Variants in PTPRD observed in about 807,000 individuals in gnomAD.
PTPRD encodes the protein receptor-type tyrosine-protein phosphatase delta.
A neutral mutation model predicts 214.5 loss-of-function variants in PTPRD; 34 were observed. The ratio of observed to expected loss-of-function variants is 0.16; its 90% CI spans 0.12 to 0.21. PTPRD has a LOEUF of 0.21. Among genes scored for constraint, PTPRD ranks in the 10% least tolerant of loss-of-function variants. The pLI is 1.00. For missense variants in PTPRD, 2,545 were observed against 2,398.7 expected (o/e 1.06, Z -1.27); for synonymous variants, 1,128 against 845.7 (o/e 1.33, Z -5.79).
intron 3 of PTPRD, among the ~76,000 whole-genome samples, chr9:10,242,609 A>T (rs1484156278): frequency 1.4e-4 from 20 of 143,314 alleles, no homozygotes; most frequent in Admixed American, 2.8e-4. Context: ...CATTGAATAC[A>T]TTTTTTTTTT....
intron 5 of PTPRD, among the ~76,000 whole-genome samples, chr9:9,775,526 G>T (rs1303157323): frequency 6.6e-6 from 1 of 152,160 alleles, no homozygotes; most frequent in Non-Finnish European, 1.5e-5. Context: ...TTCTTCTGGA[G>T]AGAAGAGTAG....
At chr9:9,331,443 T>C (rs888590844) in intron 9 of PTPRD, among the ~76,000 whole-genome samples, 1 of 152,082 alleles carries the variant, frequency 6.6e-6, no homozygotes, top group African/African-American at 2.4e-5. Flanking sequence ...TATCTGCGCA[T>C]CTAATCCTAT....
intron 11 of PTPRD, among the ~76,000 whole-genome samples, chr9:8,972,656 C>T (rs2099245544): frequency 6.6e-6 from 1 of 151,528 alleles, no homozygotes; most frequent in African/African-American, 2.4e-5. Context: ...TATAAAAACA[C>T]TTCACGGATG....
chr9:8,557,651 G>T (rs569124826), intron 14 of PTPRD, among the ~76,000 whole-genome samples: 19 of 148,726 alleles, frequency 1.3e-4, no homozygotes, highest in Non-Finnish European at 2.8e-4. Flanking sequence ...GCTGAGGCAG[G>T]GGAATCGCTT....
chr9:10,294,788 T>C (rs2095627801), intron 3 of PTPRD, among the ~76,000 whole-genome samples: 1 of 151,994 alleles, frequency 6.6e-6, no homozygotes. Context: ...TGCTATTTTC[T>C]CTTCACTTTA....
intron 8 of PTPRD, among the ~76,000 whole-genome samples, chr9:9,470,011 G>C (rs189382092): frequency 6.6e-6 from 1 of 152,206 alleles, no homozygotes; most frequent in Non-Finnish European, 1.5e-5. Context: ...TACTGGGGTG[G>C]ATGAACTCCC....
At chr9:8,928,306 G>C (rs2098918569) in intron 11 of PTPRD, among the ~76,000 whole-genome samples, 1 of 152,052 alleles carries the variant, frequency 6.6e-6, no homozygotes, top group Non-Finnish European at 1.5e-5. Context: ...GGATTGCCTA[G>C]GTTTTCTTCT....
intron 3 of PTPRD, among the ~76,000 whole-genome samples, chr9:10,202,465 G>A (rs1044489155): frequency 6.8e-6 from 1 of 147,438 alleles, no homozygotes; most frequent in Non-Finnish European, 1.5e-5. Flanking sequence ...GCATTAGAAA[G>A]GATACTAAAT....
intron 3 of PTPRD, among the ~76,000 whole-genome samples, chr9:10,157,733 A>T (rs375161993): frequency 6.6e-6 from 1 of 152,306 alleles, no homozygotes; most frequent in South Asian, 2.1e-4. Context: ...TATGTTTTCA[A>T]GTTGGTTCCA....
chr9:10,270,370 T>C (rs755517879), intron 3 of PTPRD, among the ~76,000 whole-genome samples: 4 of 152,178 alleles, frequency 2.6e-5, no homozygotes, highest in African/African-American at 9.6e-5. Flanking sequence ...TTAAGGGCAA[T>C]AGTCTCAAGT....
chr9:9,814,043 A>G (rs1024028170), intron 5 of PTPRD, among the ~76,000 whole-genome samples: 1 of 152,166 alleles, frequency 6.6e-6, no homozygotes, highest in African/African-American at 2.4e-5. Flanking sequence ...AATGAAGGAT[A>G]AATATCACAT....
At chr9:10,488,816 G>C (rs1490878243) in intron 2 of PTPRD, among the ~76,000 whole-genome samples, 2 of 152,050 alleles carry the variant, frequency 1.3e-5, no homozygotes, top group Non-Finnish European at 2.9e-5. Flanking sequence ...GCCAGATGTG[G>C]TGAATATTAC....
intron 2 of PTPRD, among the ~76,000 whole-genome samples, chr9:10,411,210 T>C (rs2098432431): frequency 6.6e-6 from 1 of 151,740 alleles, no homozygotes; most frequent in Non-Finnish European, 1.5e-5. Context: ...TATTTTGTAT[T>C]TTTCAATAGG....
chr9:8,526,311 GA>G (rs887496148), intron 17 of PTPRD, among the ~76,000 whole-genome samples: 21 of 148,192 alleles, frequency 1.4e-4, no homozygotes, highest in African/African-American at 4.7e-4. Flanking sequence ...AGAAGAAAAG[GA>G]AAAAAAAAGA....
At chr9:8,526,028 G>T (rs2074017692) in intron 17 of PTPRD, among the ~76,000 whole-genome samples, 1 of 152,022 alleles carries the variant, frequency 6.6e-6, no homozygotes, top group African/African-American at 2.4e-5. Flanking sequence ...TAGACGAGTG[G>T]GATCAGGTGG....
chr9:9,802,029 T>C (rs2099043810), intron 5 of PTPRD, among the ~76,000 whole-genome samples: 1 of 152,092 alleles, frequency 6.6e-6, no homozygotes, highest in Non-Finnish European at 1.5e-5. Flanking sequence ...AAATAGTCTG[T>C]TTCATCTTAT....
chr9:8,353,864 ATGTATATATGTATATATG>A (rs1564200646), intron 39 of PTPRD, among the ~76,000 whole-genome samples: 7 of 102,918 alleles, frequency 6.8e-5, no homozygotes, highest in South Asian at 3.4e-4. Flanking sequence ...ATGTGTATAT[ATGTATATATGTATATATG>A]TGTATATATG....
chr9:9,898,892 G>A (rs983891354), intron 5 of PTPRD, among the ~76,000 whole-genome samples: 1 of 151,926 alleles, frequency 6.6e-6, no homozygotes, highest in East Asian at 1.9e-4. Context: ...ATGAGTTTAC[G>A]CATATCCCAT....
chr9:9,688,456 T>C (rs181150843), intron 7 of PTPRD, among the ~76,000 whole-genome samples: 1 of 152,016 alleles, frequency 6.6e-6, no homozygotes, highest in Non-Finnish European at 1.5e-5. Context: ...TTCCCCTCAA[T>C]GTTTTGTTGT....
Sources: allele counts gnomAD v4.1 joint callset (sites outside exome capture counted in the v4.1 genomes callset), GRCh38; gene constraint gnomAD v4.1.1; transcripts MANE v1.5; gene names NCBI Gene and HGNC (gene_info 2026-07-23, HGNC 2026-07-21).